Variants in COL21A1 observed in about 807,000 individuals in gnomAD.
COL21A1 encodes collagen type XXI alpha 1 chain.
Under a neutral mutation model 137.9 loss-of-function variants are expected in COL21A1, and 149 were observed. The observed-to-expected ratio is 1.08, with a 90% CI of 0.95 to 1.24. The LOEUF (loss-of-function observed/expected upper bound fraction) is 1.24. Among genes scored for constraint, COL21A1 ranks in the 50% most tolerant of loss-of-function variants. COL21A1 has a pLI of 0.00. For missense variants in COL21A1, 1,167 were observed against 1,158.4 expected, an observed-to-expected ratio of 1.01 and a Z score of -0.11; for synonymous variants, 456 against 391.5, an observed-to-expected ratio of 1.16 and a Z score of -1.95.
intron 1 of COL21A1, among the ~76,000 whole-genome samples, chr6:56,267,246 C>T (rs960160958): frequency 2.6e-5 from 4 of 152,336 alleles, no homozygotes; most frequent in African/African-American, 9.6e-5. Context: ...AGAGTCTGTC[C>T]TGATCTTCAT....
At chr6:56,099,224 ATT>A (rs765498868) in intron 17 of COL21A1, among the ~76,000 whole-genome samples, 12,257 of 111,566 alleles carry the variant, frequency 0.11, 632 homozygotes, top group Middle Eastern at 0.13. Flanking sequence ...CACAAACTAA[ATT>A]TTTTTTTTTT....
At chr6:56,382,002 C>T (rs2094009476) in intron 1 of COL21A1, among the ~76,000 whole-genome samples, 1 of 152,134 alleles carries the variant, frequency 6.6e-6, no homozygotes, top group African/African-American at 2.4e-5. Flanking sequence ...GACCTAGATG[C>T]AAATTATTCC....
rs1331376058 is a variant in COL21A1 at position 56,074,231 on chromosome 6, C to T, written c.1965+1G>A. 2 of 1,579,228 alleles carry T rather than the reference C, an allele frequency of 1.3e-6. No homozygotes were observed. The highest frequency in any genetic ancestry group is 1.7e-6 in the Non-Finnish European group (2 of 1,162,744). On this transcript the variant is annotated splice_donor_variant, in intron 20 of 29. Coordinates refer to ENST00000244728, the MANE Select transcript of COL21A1 (RefSeq NM_030820.4). LOFTEE classifies it high-confidence loss of function. The stretch of plus-strand genomic sequence containing the variant: ...AGTCTTGTTTATTTTATCATATTTA[C>T]CTTAGATCCCGGTGTTCCAGGCTGG...
In COL21A1 at chr6:56,141,973, C is replaced by T; in HGVS notation, c.1445G>A (p.Gly482Glu). The change falls in exon 11 of 30, where the codon GGA becomes GAA. Residue 482 changes from glycine to glutamate, a missense_variant. Gly to Glu is a moderately conservative substitution (Grantham distance 98). Transcript: ENST00000244728. ...TGGAACACCTGGTGTCCCTGCAATT[C>T]CCTGATATCCCTAAAGAAAAATTTA... The part of the protein sequence containing the change: ...PGQDGKPGYQ[G>E]IAGTPGVPGS... The T allele has an allele frequency of 6.5e-7, 1 of 1,528,430 alleles. No homozygotes were observed. Among genetic ancestry groups the T allele is most frequent in the South Asian group, 1.2e-5 (1 of 80,224 alleles). 94.7% of individuals were successfully genotyped at this position (1,528,430 alleles called of 1,614,324 possible).
intron 1 of COL21A1, among the ~76,000 whole-genome samples, chr6:56,342,107 G>A (rs967063259): frequency 2.0e-5 from 3 of 152,062 alleles, no homozygotes; most frequent in Non-Finnish European, 4.4e-5. Flanking sequence ...ATTTGGTGCT[G>A]GTTTGGAAGT....
intron 1 of COL21A1, among the ~76,000 whole-genome samples, chr6:56,330,348 G>A (rs1046169781): frequency 2.2e-4 from 34 of 151,960 alleles, no homozygotes; most frequent in African/African-American, 7.0e-4. Context: ...CACTAAAAAC[G>A]CATTGGCTAG....
chr6:56,058,177 C>A (rs184298492), intron 29 of COL21A1, among the ~76,000 whole-genome samples: 1 of 152,058 alleles, frequency 6.6e-6, no homozygotes, highest in Non-Finnish European at 1.5e-5. Flanking sequence ...CTATCTTTTA[C>A]CAATATTATT....
At chr6:56,104,806 C>T (rs1770742671) in intron 16 of COL21A1, among the ~76,000 whole-genome samples, 1 of 152,122 alleles carries the variant, frequency 6.6e-6, no homozygotes, top group Non-Finnish European at 1.5e-5. Context: ...GCATGTGAAA[C>T]TTGCATTCCA....
rs1226692753 is a variant in COL21A1 at position 56,368,540 on chromosome 6, A to T, written c.-39+25431T>A. ...GAGCACAACAGTGGCTATCCAGGGC[A>T]GTGACCACTTTGTTATTTGATTAAA... On this transcript the variant is annotated intron_variant, in intron 1 of 28. Coordinates refer to the COL21A1 transcript ENST00000370819. Among the ~76,000 whole-genome samples, 3 of 152,354 alleles carry T rather than the reference A, an allele frequency of 2.0e-5. No homozygotes were observed. In the South Asian group the frequency reaches 6.2e-4, roughly 32 times the overall value.
At chr6:56,245,000 C>T (rs1782561868) in intron 1 of COL21A1, among the ~76,000 whole-genome samples, 2 of 152,128 alleles carry the variant, frequency 1.3e-5, no homozygotes, top group Admixed American at 1.3e-4. Flanking sequence ...GACTCATTAC[C>T]TCACCTACTC....
At chr6:56,323,443 G>T (rs10948996) in intron 1 of COL21A1, among the ~76,000 whole-genome samples, 32,984 of 152,130 alleles carry the variant, frequency 0.22, 4,859 homozygotes, top group East Asian at 0.64. Flanking sequence ...AGGCTGGAGT[G>T]CAATGGCACA....
exon 1 of COL21A1, chr6:56,394,037 C>T (rs1218360055): frequency 2.0e-5 from 3 of 152,226 alleles, no homozygotes; most frequent in Non-Finnish European, 4.4e-5. Context: ...AGAGAAGCTC[C>T]CATCTGAAAT....
intron 1 of COL21A1, among the ~76,000 whole-genome samples, chr6:56,326,915 G>T (rs780233576): frequency 6.6e-6 from 1 of 151,944 alleles, no homozygotes; most frequent in Non-Finnish European, 1.5e-5. Flanking sequence ...ACTTCCACTG[G>T]ATAGCTGGAC....
chr6:56,112,653 C>T (rs1293811321), intron 16 of COL21A1, among the ~76,000 whole-genome samples: 1 of 151,748 alleles, frequency 6.6e-6, no homozygotes, highest in African/African-American at 2.4e-5. Flanking sequence ...CTGATGCCTG[C>T]CCACAGAAGA....
chr6:56,197,104 A>C (rs1205885934), intron 1 of COL21A1, among the ~76,000 whole-genome samples: 1 of 152,092 alleles, frequency 6.6e-6, no homozygotes, highest in African/African-American at 2.4e-5. Context: ...AATTTTCCAC[A>C]AAATGTCAAG....
chr6:56,131,458 A>T (rs1019982815), intron 12 of COL21A1, among the ~76,000 whole-genome samples: 2 of 151,822 alleles, frequency 1.3e-5, no homozygotes, highest in African/African-American at 4.8e-5. Flanking sequence ...TGTTTTTCTC[A>T]TCTCTAATGT....
chr6:56,208,062 C>A (rs1435511444), intron 1 of COL21A1, among the ~76,000 whole-genome samples: 1 of 152,074 alleles, frequency 6.6e-6, no homozygotes, highest in Non-Finnish European at 1.5e-5. Flanking sequence ...TTATGACAAA[C>A]CCACAGCCAA....
chr6:56,378,930 C>G (rs2094004380), intron 1 of COL21A1, among the ~76,000 whole-genome samples: 1 of 152,192 alleles, frequency 6.6e-6, no homozygotes, highest in South Asian at 2.1e-4. Context: ...AAACAAGAGT[C>G]TCTGGGTAAT....
At chr6:56,099,593 C>T (rs917864376) in intron 17 of COL21A1, among the ~76,000 whole-genome samples, 3 of 151,918 alleles carry the variant, frequency 2.0e-5, no homozygotes, top group Non-Finnish European at 2.9e-5. Context: ...TTCCCTCTTC[C>T]TCTTTTTCCT....
Sources: gnomAD v4.1 joint callset for allele counts (sites outside exome capture counted in the v4.1 genomes callset) on GRCh38, gnomAD v4.1.1 for gene constraint, MANE v1.5 for transcripts, NCBI Gene and HGNC (gene_info 2026-07-23, HGNC 2026-07-21) for gene names.